Variants in ZC3H7B observed in about 807,000 individuals in gnomAD.
ZC3H7B encodes zinc finger CCCH-type containing 7B.
A neutral mutation model predicts 116.0 loss-of-function variants in ZC3H7B; 35 were observed. That is an observed-to-expected ratio of 0.30 (90% CI 0.23 to 0.40). ZC3H7B has a LOEUF of 0.40. Ranked by LOEUF, ZC3H7B falls within the 10% of genes least tolerant of loss-of-function variation. ZC3H7B has a pLI of 1.00. For missense variants in ZC3H7B, 1,011 were observed against 1,321.5 expected, an observed-to-expected ratio of 0.77 and a Z score of 3.64; for synonymous variants, 502 against 545.6, an observed-to-expected ratio of 0.92 and a Z score of 1.11.
At position 41,317,483 on chromosome 22, in the gene ZC3H7B, A is replaced by G. The variant is rs2036199455; in HGVS notation, c.-6-3172A>G. ...GAGGGGGCACAAACGTCCAGGCCGT[A>G]ACACCCTCCCTATAAGAATTTTCTG... On this transcript the variant is annotated intron_variant, in intron 1 of 22. Coordinates refer to ENST00000352645, the MANE Select transcript of ZC3H7B (RefSeq NM_017590.6). Among the ~76,000 whole-genome samples the G allele has an allele frequency of 2.6e-5, 4 of 152,116 alleles. No individual in the cohort carries two copies. The South Asian group carries it at 8.3e-4, about 32-fold the overall frequency.
At chr22:41,325,429 G>T in intron 2 of ZC3H7B, 135 bp from the exon 3 acceptor site, 4 of 1,178,356 alleles carry the variant, frequency 3.4e-6, no homozygotes, top group Non-Finnish European at 4.9e-6. Flanking sequence ...AATGATTTAG[G>T]AGAAGAAAAC....
chr22:41,356,787 G>C lies in ZC3H7B; in HGVS notation c.2660G>C (p.Gly887Ala). ...GGCTGGGCCTTCCGCTTCCCCATGG[G>C]CGAGTTCCGGCTCTGCGACAGGTGC... ...ASGWAFRFPM[G>A]EFRLCDRLQK... Residue 887 changes from glycine (G) to alanine (A), a missense_variant, in exon 22 of 23, where the codon GGC (glycine) becomes GCC (alanine). Transcript: ENST00000352645. 6.2e-7 allele frequency: 1 copy of C among 1,613,486 alleles called. No homozygotes were observed. Among genetic ancestry groups the C allele is most frequent in the Non-Finnish European group, 8.5e-7 (1 of 1,179,976 alleles).
intron 11 of ZC3H7B, among the ~76,000 whole-genome samples, chr22:41,342,062 C>CA (rs917602066): frequency 0.043 from 3,810 of 87,916 alleles, 51 homozygotes; most frequent in African/African-American, 0.059. Flanking sequence ...AACTCCATCT[C>CA]AAAAAAAAAA....
chr22:41,316,836 A>G (rs1283531935), intron 1 of ZC3H7B, among the ~76,000 whole-genome samples: 2 of 151,104 alleles, frequency 1.3e-5, no homozygotes, highest in African/African-American at 4.9e-5. Context: ...CACCATGCCC[A>G]GCTAATTTTT....
chr22:41,313,535 G>C (rs530893468), intron 1 of ZC3H7B, among the ~76,000 whole-genome samples: 1 of 152,130 alleles, frequency 6.6e-6, no homozygotes, highest in Admixed American at 6.6e-5. Context: ...GAGCAAGAGG[G>C]GAAACTGGCT....
chr22:41,305,701 A>T (rs1426866544), intron 1 of ZC3H7B, among the ~76,000 whole-genome samples: 4 of 152,110 alleles, frequency 2.6e-5, no homozygotes, highest in African/African-American at 9.7e-5. Context: ...TAGAAGGAGG[A>T]CCGGTCCCTG....
chr22:41,301,848 G>A (rs1021156189), intron 1 of ZC3H7B, 76 bp downstream of exon 1: 8 of 152,004 alleles, frequency 5.3e-5, no homozygotes, highest in African/African-American at 1.9e-4. Context: ...CGCGCGCGAG[G>A]GTTCGGGGAC....
rs1444094886 is a variant in ZC3H7B, at chr22:41,319,362, C to T, written c.-6-1293C>T. Among the ~76,000 whole-genome samples the T allele has an allele frequency of 5.3e-5, 8 of 152,172 alleles. No homozygotes were observed. In the South Asian group the frequency reaches 1.0e-3, roughly 20 times the overall value. On this transcript the variant is annotated intron_variant, in intron 1 of 22. Coordinates refer to ENST00000352645, the MANE Select transcript of ZC3H7B (RefSeq NM_017590.6). ...GTTGCAGTGAGCCAAGATCGCGCCACTGCACTCCAGCCTGGGCGACAGAGC... is the reference window on the plus strand; with the variant it reads ...GTTGCAGTGAGCCAAGATCGCGCCATTGCACTCCAGCCTGGGCGACAGAGC...
At position 41,341,141 on chromosome 22, in the gene ZC3H7B, C is replaced by T. The variant is rs137940372; in HGVS notation, c.1192C>T (p.Pro398Ser). ...RPPSGAQKPA[P>S]SPEPCMPNTA... ...CCCTAGCGGTGCTCAGAAACCAGCC[C>T]CCTCGGTGAGTGACTTGAGTGGGGA... is the stretch of plus-strand genomic sequence containing the variant. The change falls in exon 11 of 23, where the codon CCC becomes TCC. Residue 398 changes from proline to serine, a missense_variant. This residue lies in a region of ZC3H7B where 99 missense variants were observed against 89.5 expected (regional missense o/e 1.11). Coordinates refer to ENST00000352645, the MANE Select transcript of ZC3H7B (RefSeq NM_017590.6). 44 of 1,613,994 alleles carry T rather than the reference C, an allele frequency of 2.7e-5. No individual in the cohort carries two copies. The highest frequency in any genetic ancestry group is 3.5e-5 in the Non-Finnish European group (41 of 1,179,906).
rs1335848397 is a variant in ZC3H7B, at chr22:41,348,124, G to A, written c.1723G>A (p.Val575Ile). 1.2e-6 allele frequency: 2 copies of A among 1,614,026 alleles called. No individual in the cohort carries two copies. The highest frequency in any genetic ancestry group is 1.7e-6 in the Non-Finnish European group (2 of 1,179,976). The change falls in exon 15 of 23, where the codon GTC (valine) becomes ATC (isoleucine). Residue 575 changes from valine to isoleucine, a missense_variant. Val to Ile is a conservative substitution (Grantham distance 29). Around this residue, in one of 5 missense-constraint regions of ZC3H7B, gnomAD observed 406 missense variants for 590.2 expected, o/e 0.69. Transcript: ENST00000352645. ...ISKGTKDSPS[V>I]CSNLAAKHSF... ...CAAAGGCACCAAGGACTCTCCGTCT[G>A]TCTGCTCCAACCTGGCTGCCAAGCA...
Position 41,357,661 on chromosome 22 carries a change from C to A in ZC3H7B, c.*232C>A, listed in dbSNP as rs376681831. On this transcript the variant is annotated 3_prime_UTR_variant, in exon 23 of 23. Coordinates refer to ENST00000352645, the MANE Select transcript of ZC3H7B (RefSeq NM_017590.6). This position sits in a 1 kb window ranked among gnomAD's most constrained non-coding sequence, Gnocchi z 5.4. ...GCTGAAACCTGGGCTGCCCTTCCCCCACCCCCACGGCTCTCCTGGTTGAGG... is the reference window on the plus strand; with the variant it reads ...GCTGAAACCTGGGCTGCCCTTCCCCAACCCCCACGGCTCTCCTGGTTGAGG... The A allele has an allele frequency of 2.1e-5, 13 of 605,754 alleles. No homozygotes were observed. Among genetic ancestry groups the A allele is most frequent in the East Asian group, 2.9e-5 (1 of 34,942 alleles). The allele number at this position is 605,754 out of a possible 1,614,324, so 37.5% of individuals were successfully genotyped here.
Position 41,333,661 on chromosome 22 carries a change from A to G in ZC3H7B, c.582+1434A>G, listed in dbSNP as rs934233352. Reference sequence around the variant, plus strand: ...GAAATTATTAGGCCTGGCACATACCAGGTGCTCCAACGAGAAAACATTAAA... The same window carrying G: ...GAAATTATTAGGCCTGGCACATACCGGGTGCTCCAACGAGAAAACATTAAA... On this transcript the variant is annotated intron_variant, in intron 7 of 22. Transcript: ENST00000352645. 3.3e-5 allele frequency: 5 copies of G among 152,304 alleles called. No homozygotes were observed. In the East Asian group the frequency reaches 7.7e-4, roughly 23 times the overall value. The allele number at this position is 152,304 out of a possible 1,614,324, so 9.4% of individuals were successfully genotyped here.
At chr22:41,315,356 T>TTTG (rs2036169194) in intron 1 of ZC3H7B, among the ~76,000 whole-genome samples, 1 of 149,280 alleles carries the variant, frequency 6.7e-6, no homozygotes. Flanking sequence ...TCTAGTGTTT[T>TTTG]TTTTTTTTTT....
chr22:41,325,002 T>G (rs2036299873), intron 2 of ZC3H7B, among the ~76,000 whole-genome samples: 1 of 152,088 alleles, frequency 6.6e-6, no homozygotes, highest in Admixed American at 6.6e-5. Context: ...TTGGCCAGAG[T>G]CTGATTTTCC....
chr22:41,319,382 C>G (rs982496450), intron 1 of ZC3H7B, among the ~76,000 whole-genome samples: 3 of 151,702 alleles, frequency 2.0e-5, no homozygotes, highest in Non-Finnish European at 4.4e-5. Context: ...GCCTGGGCGA[C>G]AGAGCAGAAC....
At chr22:41,341,763 A>G (rs1835599580) in intron 11 of ZC3H7B, among the ~76,000 whole-genome samples, 1 of 143,816 alleles carries the variant, frequency 7.0e-6, no homozygotes. Flanking sequence ...AAATAATAAT[A>G]AAAGAACATC....
chr22:41,331,935 AGTAG>A (rs1454231136), intron 6 of ZC3H7B, among the ~76,000 whole-genome samples: 1 of 152,198 alleles, frequency 6.6e-6, no homozygotes, highest in Non-Finnish European at 1.5e-5. Context: ...CCTGACACAC[AGTAG>A]AGGTGTGCAG....
At chr22:41,353,520 C>T (rs1374198022) in intron 17 of ZC3H7B, among the ~76,000 whole-genome samples, 4 of 152,220 alleles carry the variant, frequency 2.6e-5, no homozygotes, top group Non-Finnish European at 4.4e-5. Flanking sequence ...GGAGGACCCT[C>T]GGGCTCAGAG....
chr22:41,331,668 C>G (rs1335879950), intron 6 of ZC3H7B, among the ~76,000 whole-genome samples: 1 of 150,890 alleles, frequency 6.6e-6, no homozygotes, highest in East Asian at 2.0e-4. Flanking sequence ...CTCAGGAGTT[C>G]AAGACCAGCC....
Sources: allele counts gnomAD v4.1 joint callset (sites outside exome capture counted in the v4.1 genomes callset), GRCh38; gene constraint gnomAD v4.1.1; regional missense constraint gnomAD v4.1.1; non-coding constraint Gnocchi (gnomAD v3.1); transcripts MANE v1.5; gene names NCBI Gene and HGNC (gene_info 2026-07-23, HGNC 2026-07-21).